Variants in ITGA11 observed in about 807,000 individuals in gnomAD.
ITGA11 encodes the protein integrin subunit alpha 11, also known as integrin alpha-11.
In ITGA11, 97 loss-of-function variants were observed where a neutral mutation model predicts 141.9. That is an observed-to-expected ratio of 0.68 (90% CI 0.58 to 0.81). The LOEUF (loss-of-function observed/expected upper bound fraction) is 0.81. Ranked by LOEUF, ITGA11 falls within the 30% of genes least tolerant of loss-of-function variation. The pLI is 0.00. For missense variants in ITGA11, 1,387 were observed against 1,559.2 expected (o/e 0.89, Z 1.86); for synonymous variants, 658 against 624.6 (o/e 1.05, Z -0.80).
chr15:68,350,166 T>C (rs1894858664), intron 9 of ITGA11, among the ~76,000 whole-genome samples: 1 of 152,106 alleles, frequency 6.6e-6, no homozygotes, highest in South Asian at 2.1e-4. Context: ...CACGGAGTAA[T>C]ACTCAATTGT....
chr15:68,388,499 T>G (rs1408588309), intron 2 of ITGA11, among the ~76,000 whole-genome samples: 1 of 152,174 alleles, frequency 6.6e-6, no homozygotes, highest in East Asian at 1.9e-4. Flanking sequence ...GATAACTATC[T>G]GACAGATGAT....
intron 24 of ITGA11, 93 bp from the exon 25 acceptor site, chr15:68,311,496 T>G: frequency 3.7e-6 from 3 of 819,922 alleles, no homozygotes; most frequent in Non-Finnish European, 6.1e-6. Context: ...GGGGTGGCAA[T>G]TCCCCCATCA....
intron 2 of ITGA11, among the ~76,000 whole-genome samples, chr15:68,370,272 G>A (rs1157043145): frequency 1.3e-5 from 2 of 152,228 alleles, no homozygotes; most frequent in Non-Finnish European, 2.9e-5. Context: ...CTAGGGAAAA[G>A]TGAGCAGCCA....
At position 68,417,823 on chromosome 15, in the gene ITGA11, C is replaced by T. The variant is rs76417994; in HGVS notation, c.52+14192G>A. On this transcript the variant is annotated intron_variant, in intron 1 of 29. Coordinates refer to ENST00000315757, the MANE Select transcript of ITGA11 (RefSeq NM_001004439.2). Reference sequence around the variant, plus strand: ...GCTCCTTCTCAACCTCCAGTTTTAACGCCATGGCCTCTGAGAAAGGAGAAT... The same window carrying T: ...GCTCCTTCTCAACCTCCAGTTTTAATGCCATGGCCTCTGAGAAAGGAGAAT... Among the ~76,000 whole-genome samples, 581 of 152,316 alleles carry T rather than the reference C, an allele frequency of 3.8e-3. 21 individuals are homozygous for T. In the East Asian group the frequency reaches 0.084, roughly 22 times the overall value.
intron 8 of ITGA11, 113 bp downstream of exon 8, chr15:68,351,141 TTTTG>T: frequency 8.7e-7 from 1 of 1,145,332 alleles, no homozygotes; most frequent in Non-Finnish European, 1.2e-6. Context: ...TGGGAGGCTT[TTTTG>T]AGGGCCTGGA....
chr15:68,366,350 C>T (rs955196802), intron 3 of ITGA11, among the ~76,000 whole-genome samples: 1 of 152,056 alleles, frequency 6.6e-6, no homozygotes, highest in African/African-American at 2.4e-5. Flanking sequence ...ACAAGGTTAC[C>T]TGCTGGGAAA....
intron 1 of ITGA11, among the ~76,000 whole-genome samples, chr15:68,415,446 G>A (rs1266978355): frequency 6.6e-6 from 1 of 152,164 alleles, no homozygotes; most frequent in African/African-American, 2.4e-5. Context: ...TCAGCAGCAC[G>A]GGGGGCTTCT....
intron 2 of ITGA11, among the ~76,000 whole-genome samples, chr15:68,370,968 G>C (rs961567171): frequency 1.3e-5 from 2 of 152,224 alleles, no homozygotes; most frequent in African/African-American, 4.8e-5. Flanking sequence ...AGCCAGGTCT[G>C]AAGTGGGAGT....
intron 7 of ITGA11, among the ~76,000 whole-genome samples, chr15:68,354,347 G>A (rs1049130829): frequency 6.6e-6 from 1 of 151,984 alleles, no homozygotes; most frequent in African/African-American, 2.4e-5. Flanking sequence ...CATTGTTCAG[G>A]GGCCCTCTCC....
rs1221660595 is a variant in ITGA11 at position 68,303,948 on chromosome 15, G to C, written c.3382-63C>G. The stretch of plus-strand genomic sequence containing the variant: ...TTCTGGGGCTGGGGTGGCAGTCTGG[G>C]AGGGGCAGGAGGGTGGAGACAGCTG... On this transcript the variant is annotated intron_variant, in intron 28 of 29. Coordinates refer to ENST00000315757, the MANE Select transcript of ITGA11 (RefSeq NM_001004439.2). This position sits in a 1 kb window ranked among gnomAD's most constrained non-coding sequence, Gnocchi z 5.3. 8.8e-6 allele frequency: 9 copies of C among 1,024,826 alleles called. No individual in the cohort carries two copies. The highest frequency in any genetic ancestry group is 1.4e-5 in the Non-Finnish European group (9 of 659,740). 63.5% of individuals were successfully genotyped at this position (1,024,826 alleles called of 1,614,324 possible).
intron 1 of ITGA11, among the ~76,000 whole-genome samples, chr15:68,422,552 C>T (rs891957623): frequency 6.7e-6 from 1 of 150,360 alleles, no homozygotes; most frequent in African/African-American, 2.4e-5. Context: ...CCCCTCCCAC[C>T]TGAGGAAGCT....
chr15:68,415,850 GA>G (rs1896875938), intron 1 of ITGA11, among the ~76,000 whole-genome samples: 1 of 152,208 alleles, frequency 6.6e-6, no homozygotes, highest in African/African-American at 2.4e-5. Context: ...TGGATGCTCA[GA>G]AAGAGTGAAG....
At chr15:68,306,344 A>ATG (rs1382784669) in intron 28 of ITGA11, among the ~76,000 whole-genome samples, 1 of 151,802 alleles carries the variant, frequency 6.6e-6, no homozygotes, top group African/African-American at 2.4e-5. Flanking sequence ...TGAGCAGGGT[A>ATG]TGTGTGGGGG....
At chr15:68,421,862 C>T (rs113147056) in intron 1 of ITGA11, among the ~76,000 whole-genome samples, 5 of 152,146 alleles carry the variant, frequency 3.3e-5, no homozygotes, top group African/African-American at 1.2e-4. Context: ...GTGATACTCC[C>T]AGTGGCAACC....
At chr15:68,425,042 G>T (rs16952052) in intron 1 of ITGA11, among the ~76,000 whole-genome samples, 6,236 of 152,320 alleles carry the variant, frequency 0.041, 431 homozygotes, top group African/African-American at 0.14. Context: ...GGCAGAGACC[G>T]CGCTTTATCT....
chr15:68,312,914 A>AT, intron 23 of ITGA11, 51 bp from the exon 24 acceptor site: 1 of 1,316,632 alleles, frequency 7.6e-7, no homozygotes, highest in African/African-American at 1.4e-5. Context: ...GGCTGGCTGG[A>AT]TGGACAGATG....
At chr15:68,339,676 C>T in intron 10 of ITGA11, 32 bp from the exon 11 acceptor site, 1 of 1,611,704 alleles carries the variant, frequency 6.2e-7, no homozygotes, top group South Asian at 1.1e-5. Flanking sequence ...ACATCAGCAC[C>T]TGTCCTCATG....
chr15:68,298,838 G>A lies in ITGA11; in HGVS notation c.*4221C>T, dbSNP rs910564245. 6.6e-6 allele frequency: 1 copy of A among 152,086 alleles called. No homozygotes were observed. Among genetic ancestry groups the A allele is most frequent in the African/African-American group, 2.4e-5 (1 of 41,362 alleles). 9.4% of individuals were successfully genotyped at this position (152,086 alleles called of 1,614,324 possible). A position where few individuals can be genotyped will look rare whatever the true frequency, so the allele number is the denominator to read the frequency against. ...ATGCAGGGCCAGGGAGATAATCCAGGAGTTTGAGACCAGCCTGGGCAACAT... is the reference window on the plus strand; with the variant it reads ...ATGCAGGGCCAGGGAGATAATCCAGAAGTTTGAGACCAGCCTGGGCAACAT... On this transcript the variant is annotated 3_prime_UTR_variant, in exon 30 of 30. Transcript: ENST00000315757.
At chr15:68,408,320 T>C (rs2140420441) in intron 1 of ITGA11, among the ~76,000 whole-genome samples, 1 of 152,320 alleles carries the variant, frequency 6.6e-6, no homozygotes, top group Admixed American at 6.5e-5. Flanking sequence ...TGTGCCTTAC[T>C]AATGGGTGAC....
Sources: allele counts gnomAD v4.1 joint callset (sites outside exome capture counted in the v4.1 genomes callset), GRCh38; gene constraint gnomAD v4.1.1; non-coding constraint Gnocchi (gnomAD v3.1); transcripts MANE v1.5; gene names NCBI Gene and HGNC (gene_info 2026-07-23, HGNC 2026-07-21).